CCSER1: variants seen among roughly 807,000 people sequenced by gnomAD.
CCSER1 encodes serine-rich coiled-coil domain-containing protein 1.
In CCSER1, 41 loss-of-function variants were observed where a neutral mutation model predicts 82.0. That is an observed-to-expected ratio of 0.50 (90% CI 0.39 to 0.65). The LOEUF (loss-of-function observed/expected upper bound fraction) is 0.65, where lower values mean the gene tolerates loss of function less well. CCSER1 is among the 30% of genes least tolerant of loss of function. The pLI, the probability that CCSER1 is intolerant of heterozygous loss-of-function variation, is 0.00. For missense variants in CCSER1, 1,119 were observed against 1,064.2 expected (o/e 1.05, Z -0.72); for synonymous variants, 414 against 383.9 (o/e 1.08, Z -0.92).
intron 8 of CCSER1, among the ~76,000 whole-genome samples, chr4:90,843,055 A>G (rs998618951): frequency 6.6e-6 from 1 of 152,196 alleles, no homozygotes; most frequent in African/African-American, 2.4e-5. Context: ...AGGTTAATAA[A>G]TAACCCTTAA....
chr4:91,131,408 C>A (rs778605771), intron 10 of CCSER1, among the ~76,000 whole-genome samples: 22 of 150,818 alleles, frequency 1.5e-4, no homozygotes, highest in Non-Finnish European at 2.5e-4. Context: ...CACACACTGA[C>A]CTGGTTGTAT....
chr4:91,228,969 T>C (rs796300916), intron 10 of CCSER1, among the ~76,000 whole-genome samples: 26 of 152,180 alleles, frequency 1.7e-4, no homozygotes, highest in African/African-American at 5.8e-4. Flanking sequence ...CCTTTATTTG[T>C]AACATCAGTA....
At chr4:91,523,923 ATTTG>A (rs552325063) in intron 10 of CCSER1, among the ~76,000 whole-genome samples, 68 of 152,254 alleles carry the variant, frequency 4.5e-4, no homozygotes, top group African/African-American at 1.5e-3. Context: ...TAGCCTTTGA[ATTTG>A]TTTGTGTTTT....
chr4:90,975,710 T>C (rs1735551510), intron 9 of CCSER1, among the ~76,000 whole-genome samples: 1 of 151,326 alleles, frequency 6.6e-6, no homozygotes, highest in African/African-American at 2.4e-5. Context: ...CCAGTTACTA[T>C]GTAAGGATAT....
chr4:90,825,549 G>GT (rs1050731806), intron 8 of CCSER1, among the ~76,000 whole-genome samples: 9 of 152,022 alleles, frequency 5.9e-5, no homozygotes, highest in African/African-American at 2.2e-4. Flanking sequence ...GGAAATATGT[G>GT]TTTTTTTGTG....
intron 9 of CCSER1, among the ~76,000 whole-genome samples, chr4:91,079,331 A>C (rs1722416402): frequency 6.6e-6 from 1 of 152,214 alleles, no homozygotes; most frequent in Non-Finnish European, 1.5e-5. Flanking sequence ...ACTAAGCTTC[A>C]TAAGGGAAGG....
intron 7 of CCSER1, among the ~76,000 whole-genome samples, chr4:90,728,238 C>T (rs1446734338): frequency 6.6e-6 from 1 of 152,160 alleles, no homozygotes; most frequent in East Asian, 1.9e-4. Context: ...TCCTAGGTCT[C>T]TTCTTCTTAT....
At chr4:91,317,589 C>T (rs981446964) in intron 10 of CCSER1, among the ~76,000 whole-genome samples, 72 of 150,822 alleles carry the variant, frequency 4.8e-4, no homozygotes, top group African/African-American at 1.4e-3. Context: ...AAAGTATATA[C>T]GTGTGTGTGT....
intron 10 of CCSER1, among the ~76,000 whole-genome samples, chr4:91,326,990 C>T (rs548333690): frequency 1.3e-5 from 2 of 152,188 alleles, no homozygotes; most frequent in Non-Finnish European, 2.9e-5. Flanking sequence ...CTGGAAGGCA[C>T]AGCCCATGCA....
intron 3 of CCSER1, among the ~76,000 whole-genome samples, chr4:90,367,938 T>C (rs1317114337): frequency 2.6e-5 from 4 of 151,832 alleles, no homozygotes; most frequent in Admixed American, 2.0e-4. Flanking sequence ...AAGAAAAATA[T>C]ATGGATTAAA....
chr4:90,627,629 A>G (rs1723545167), intron 5 of CCSER1, among the ~76,000 whole-genome samples: 2 of 152,088 alleles, frequency 1.3e-5, no homozygotes, highest in Non-Finnish European at 1.5e-5. Flanking sequence ...TCTTACCACT[A>G]AATGTATATT....
chr4:90,870,182 A>T (rs1314055752), intron 8 of CCSER1, among the ~76,000 whole-genome samples: 4 of 151,826 alleles, frequency 2.6e-5, no homozygotes. Context: ...GATGTACTTT[A>T]TTTCTTTCTC....
chr4:90,850,844 G>GTTTTAA (rs1284557682), intron 8 of CCSER1, among the ~76,000 whole-genome samples: 2 of 152,186 alleles, frequency 1.3e-5, no homozygotes, highest in Non-Finnish European at 2.9e-5. Flanking sequence ...TTTTAAATGT[G>GTTTTAA]AGGACATGAT....
At chr4:90,704,511 A>G (rs1286183793) in intron 6 of CCSER1, among the ~76,000 whole-genome samples, 1 of 152,124 alleles carries the variant, frequency 6.6e-6, no homozygotes, top group Non-Finnish European at 1.5e-5. Context: ...CTGAATTTGA[A>G]TGTTGGCCTG....
At chr4:90,852,612 C>T (rs934435712) in intron 8 of CCSER1, among the ~76,000 whole-genome samples, 2 of 152,192 alleles carry the variant, frequency 1.3e-5, no homozygotes, top group Non-Finnish European at 2.9e-5. Flanking sequence ...GGCAACGGCT[C>T]TAACCCTTTA....
chr4:90,884,208 C>A (rs1208930091), intron 8 of CCSER1, among the ~76,000 whole-genome samples: 1 of 152,006 alleles, frequency 6.6e-6, no homozygotes, highest in Admixed American at 6.6e-5. Context: ...TGAAATCATG[C>A]CAAGATGAAC....
intron 9 of CCSER1, among the ~76,000 whole-genome samples, chr4:91,031,121 CATT>C (rs1740943310): frequency 6.6e-6 from 1 of 152,108 alleles, no homozygotes; most frequent in African/African-American, 2.4e-5. Context: ...CACTGTGGCT[CATT>C]ATATGATGTT....
chr4:91,374,982 G>C (rs921829946), intron 10 of CCSER1, among the ~76,000 whole-genome samples: 3 of 152,158 alleles, frequency 2.0e-5, no homozygotes, highest in Non-Finnish European at 2.9e-5. Flanking sequence ...CTGGGAGAGA[G>C]AGTCTTGCTC....
chr4:91,270,149 T>G (rs956858388), intron 10 of CCSER1, among the ~76,000 whole-genome samples: 1 of 152,210 alleles, frequency 6.6e-6, no homozygotes, highest in Non-Finnish European at 1.5e-5. Flanking sequence ...CCTCAAGCTT[T>G]TGGATAAAGA....
Sources: gnomAD v4.1 joint callset for allele counts (sites outside exome capture counted in the v4.1 genomes callset) on GRCh38, gnomAD v4.1.1 for gene constraint, MANE v1.5 for transcripts, NCBI Gene and HGNC (gene_info 2026-07-23, HGNC 2026-07-21) for gene names.